GRIA4: variants seen among roughly 807,000 people sequenced by gnomAD.
GRIA4 encodes glutamate ionotropic receptor AMPA type subunit 4.
GRIA4 carries 34 observed loss-of-function variants against 104.0 expected under a neutral mutation model. The observed-to-expected ratio is 0.33, with a 90% CI of 0.25 to 0.44. GRIA4 has a LOEUF of 0.44. GRIA4 is among the 20% of genes least tolerant of loss of function. The pLI is 1.00. For synonymous variants in GRIA4, 386 were observed against 381.9 expected (o/e 1.01, Z -0.13); for missense variants, 750 against 1,096.5 (o/e 0.68, Z 4.46).
chr11:105,942,626 A>C (rs1948211173), intron 14 of GRIA4, among the ~76,000 whole-genome samples: 1 of 152,088 alleles, frequency 6.6e-6, no homozygotes, highest in Non-Finnish European at 1.5e-5. Context: ...TCTTAAGGGA[A>C]GAGAACAAAA....
chr11:105,776,150 A>T (rs563385621), intron 4 of GRIA4, among the ~76,000 whole-genome samples: 2 of 152,194 alleles, frequency 1.3e-5, no homozygotes, highest in East Asian at 3.9e-4. Context: ...AGGCTAGGGG[A>T]GTTGCTACAA....
chr11:105,974,506 C>G, intron 16 of GRIA4, 62 bp downstream of exon 16: 1 of 1,613,664 alleles, frequency 6.2e-7, no homozygotes, highest in Non-Finnish European at 8.5e-7. Flanking sequence ...AATTTAGCAA[C>G]CTATAGAGAA....
chr11:105,896,379 A>G (rs184308819), intron 6 of GRIA4, among the ~76,000 whole-genome samples: 2 of 151,974 alleles, frequency 1.3e-5, no homozygotes, highest in East Asian at 1.9e-4. Flanking sequence ...TAGGCTGGCT[A>G]TTTACTCTGT....
At chr11:105,750,697 T>G (rs925301771) in intron 3 of GRIA4, among the ~76,000 whole-genome samples, 1 of 152,190 alleles carries the variant, frequency 6.6e-6, no homozygotes, top group Non-Finnish European at 1.5e-5. Flanking sequence ...ATGGACTTTA[T>G]GTATAGTACA....
At chr11:105,834,402 T>A (rs1208201049) in intron 4 of GRIA4, among the ~76,000 whole-genome samples, 1 of 152,130 alleles carries the variant, frequency 6.6e-6, no homozygotes, top group African/African-American at 2.4e-5. Flanking sequence ...TCTGTCCCCA[T>A]GCATTACAAA....
intron 15 of GRIA4, among the ~76,000 whole-genome samples, chr11:105,972,403 G>T (rs1361249179): frequency 6.6e-6 from 1 of 152,036 alleles, no homozygotes; most frequent in Non-Finnish European, 1.5e-5. Context: ...CTCAAAACAA[G>T]AAATCAGTAG....
At chr11:105,784,532 G>C (rs766659851) in intron 4 of GRIA4, among the ~76,000 whole-genome samples, 2 of 152,158 alleles carry the variant, frequency 1.3e-5, no homozygotes, top group Non-Finnish European at 2.9e-5. Flanking sequence ...CAGAGTGCTG[G>C]GTCCCTGTGG....
chr11:105,807,616 A>G (rs1389689233), intron 4 of GRIA4, among the ~76,000 whole-genome samples: 3 of 151,888 alleles, frequency 2.0e-5, no homozygotes, highest in Non-Finnish European at 4.4e-5. Context: ...TTTCATTAGC[A>G]GTGTGTTTTG....
intron 3 of GRIA4, among the ~76,000 whole-genome samples, chr11:105,724,938 A>G (rs1032629487): frequency 6.6e-6 from 1 of 152,162 alleles, no homozygotes; most frequent in Admixed American, 6.5e-5. Flanking sequence ...GAGGTTGTCT[A>G]TATGTTCAAT....
At chr11:105,846,104 A>T (rs1165085730) in intron 4 of GRIA4, among the ~76,000 whole-genome samples, 3 of 152,212 alleles carry the variant, frequency 2.0e-5, no homozygotes, top group Non-Finnish European at 4.4e-5. Flanking sequence ...GTGCTTATCT[A>T]TACAATTAAT....
chr11:105,802,085 G>A (rs1344347957), intron 4 of GRIA4, among the ~76,000 whole-genome samples: 3 of 152,026 alleles, frequency 2.0e-5, no homozygotes, highest in Non-Finnish European at 2.9e-5. Context: ...GGGCAGATGC[G>A]GCCACATCAA....
intron 6 of GRIA4, among the ~76,000 whole-genome samples, chr11:105,893,881 T>C (rs1946544421): frequency 6.6e-6 from 1 of 152,232 alleles, no homozygotes; most frequent in Non-Finnish European, 1.5e-5. Flanking sequence ...ACTGACATTT[T>C]ACTAGCTGGA....
intron 6 of GRIA4, among the ~76,000 whole-genome samples, chr11:105,887,886 C>G (rs1284940929): frequency 1.3e-5 from 2 of 152,064 alleles, no homozygotes; most frequent in Non-Finnish European, 1.5e-5. Context: ...CAAAGATAGC[C>G]AATATTTGGA....
At chr11:105,760,646 T>C (rs750727090) in intron 4 of GRIA4, among the ~76,000 whole-genome samples, 3 of 152,164 alleles carry the variant, frequency 2.0e-5, no homozygotes, top group Non-Finnish European at 2.9e-5. Flanking sequence ...AGAATATGCC[T>C]TAAAATATTT....
intron 3 of GRIA4, among the ~76,000 whole-genome samples, chr11:105,735,261 C>G (rs897102010): frequency 1.3e-5 from 2 of 151,950 alleles, no homozygotes; most frequent in African/African-American, 4.8e-5. Context: ...CAAAAATCTG[C>G]TTAGACTCAA....
chr11:105,872,064 C>G (rs920048948), intron 5 of GRIA4, among the ~76,000 whole-genome samples: 4 of 152,070 alleles, frequency 2.6e-5, no homozygotes, highest in Non-Finnish European at 4.4e-5. Flanking sequence ...TAAAACTGCT[C>G]TACAGAACTG....
At chr11:105,930,402 T>C (rs1947838380) in intron 13 of GRIA4, among the ~76,000 whole-genome samples, 1 of 152,092 alleles carries the variant, frequency 6.6e-6, no homozygotes, top group Non-Finnish European at 1.5e-5. Context: ...TCATTTCTAG[T>C]GTACTAAACC....
chr11:105,946,438 T>A (rs1167685622), intron 14 of GRIA4, among the ~76,000 whole-genome samples: 1 of 151,792 alleles, frequency 6.6e-6, no homozygotes, highest in African/African-American at 2.4e-5. Context: ...AGAAAACAAT[T>A]AGCTGGGCAT....
chr11:105,953,385 T>G (rs1169292576), intron 14 of GRIA4, among the ~76,000 whole-genome samples: 1 of 152,206 alleles, frequency 6.6e-6, no homozygotes, highest in African/African-American at 2.4e-5. Context: ...CCATTCACCT[T>G]TATCTGGAAG....
Sources: allele counts gnomAD v4.1 joint callset (sites outside exome capture counted in the v4.1 genomes callset), GRCh38; gene constraint gnomAD v4.1.1; transcripts MANE v1.5; gene names NCBI Gene and HGNC (gene_info 2026-07-23, HGNC 2026-07-21).